FAH: variants seen among roughly 807,000 people sequenced by gnomAD.
The protein encoded by FAH is fumarylacetoacetase.
In FAH, 47 loss-of-function variants were observed where a neutral mutation model predicts 55.8. The ratio of observed to expected loss-of-function variants is 0.84; its 90% CI spans 0.67 to 1.07. FAH has a LOEUF of 1.07. Ranked by LOEUF, FAH falls within the 50% of genes least tolerant of loss-of-function variation. The pLI is 0.00. For synonymous variants in FAH, 199 were observed against 207.7 expected, an observed-to-expected ratio of 0.96 and a Z score of 0.36; for missense variants, 495 against 545.9, an observed-to-expected ratio of 0.91 and a Z score of 0.93.
intron 12 of FAH, among the ~76,000 whole-genome samples, chr15:80,180,612 A>C (rs1233489000): frequency 6.6e-6 from 1 of 152,162 alleles, no homozygotes; most frequent in Non-Finnish European, 1.5e-5. Context: ...GGAGTCACAG[A>C]ACCTTCAGAG....
chr15:80,176,972 G>A (rs1158391832), intron 10 of FAH, among the ~76,000 whole-genome samples: 3 of 152,230 alleles, frequency 2.0e-5, no homozygotes, highest in African/African-American at 7.2e-5. Flanking sequence ...GAGGAAGCCA[G>A]GTTTTGAGGG....
At chr15:80,172,004 G>A (rs1300031979) in intron 7 of FAH, 145 bp from the exon 8 acceptor site, 1 of 742,504 alleles carries the variant, frequency 1.3e-6, no homozygotes, top group Admixed American at 1.8e-5. Context: ...CTCTGACTTA[G>A]AAACACAGTG....
At chr15:80,158,238 G>T (rs1164205425) in intron 2 of FAH, 68 bp downstream of exon 2, 2 of 1,075,492 alleles carry the variant, frequency 1.9e-6, no homozygotes, top group Non-Finnish European at 1.5e-6. Flanking sequence ...ACAAGAGAAT[G>T]CTCCTTGCGT....
chr15:80,180,038 GAGCA>G, intron 11 of FAH, 82 bp from the exon 12 acceptor site: 3 of 1,013,858 alleles, frequency 3.0e-6, no homozygotes, highest in Non-Finnish European at 3.0e-6. Flanking sequence ...AGGCGGTCGT[GAGCA>G]GGGCAGGCTG....
chr15:80,159,910 G>C, intron 3 of FAH, 33 bp downstream of exon 3: 1 of 1,611,190 alleles, frequency 6.2e-7, no homozygotes, highest in Non-Finnish European at 8.5e-7. Flanking sequence ...GGGGATGAGG[G>C]GATGCAGCAG....
chr15:80,175,696 C>G (rs1345102936), intron 10 of FAH, among the ~76,000 whole-genome samples: 1 of 152,250 alleles, frequency 6.6e-6, no homozygotes, highest in Non-Finnish European at 1.5e-5. Flanking sequence ...AATAAAGAGA[C>G]TGGCTCTGCA....
At position 80,153,171 on chromosome 15, in the gene FAH, GGGAGTGGAGTGGAGTGGAGT is replaced by G. The variant is rs57837512; in HGVS notation, c.81+60_81+79del. 2.0e-5 allele frequency: 25 copies of G among 1,250,096 alleles called. No individual in the cohort carries two copies. In the East Asian group the frequency reaches 2.5e-4, roughly 12 times the overall value. The allele number at this position is 1,250,096 out of a possible 1,614,324, so 77.4% of individuals were successfully genotyped here. ...GGGCTTTGGCGTCCGGGCGCGGGGA[GGGAGTGGAGTGGAGTGGAGT>G]GGAGTGGAGTGGAGTGGAGTGGAAT... On this transcript the variant is annotated intron_variant, in intron 1 of 13. Transcript: ENST00000561421.
At chr15:80,172,873 C>A (rs2041252330) in intron 8 of FAH, 141 bp from the exon 9 acceptor site, 1 of 1,129,452 alleles carries the variant, frequency 8.9e-7, no homozygotes, top group African/African-American at 1.5e-5. Context: ...GCCCCTTTGT[C>A]CTGGGGCAGC....
At chr15:80,179,420 G>T (rs887467783) in intron 11 of FAH, among the ~76,000 whole-genome samples, 1 of 152,198 alleles carries the variant, frequency 6.6e-6, no homozygotes, top group Non-Finnish European at 1.5e-5. Flanking sequence ...CCTTGCAGGG[G>T]CTCGTGGGCA....
intron 11 of FAH, among the ~76,000 whole-genome samples, chr15:80,177,808 A>G (rs1304897284): frequency 1.3e-5 from 2 of 152,182 alleles, no homozygotes; most frequent in Admixed American, 6.6e-5. Flanking sequence ...TTGGGGGAAA[A>G]TAGGTGTTCC....
chr15:80,182,940 G>A (rs1206269302), intron 13 of FAH, among the ~76,000 whole-genome samples: 1 of 152,228 alleles, frequency 6.6e-6, no homozygotes, highest in African/African-American at 2.4e-5. Context: ...TCTGTTGTCA[G>A]TGTGATAAGG....
chr15:80,155,227 G>A (rs182330217), intron 1 of FAH, among the ~76,000 whole-genome samples: 1 of 152,308 alleles, frequency 6.6e-6, no homozygotes, highest in East Asian at 1.9e-4. Flanking sequence ...TGCTTCTGGA[G>A]AGAAGGAACC....
rs144902834 is a variant in FAH, at chr15:80,172,239, G to A, written c.697G>A (p.Asp233Asn). ...EHIFGMVLMN[D>N]WSARDIQKWE... ...CATTTTTGGAATGGTCCTTATGAAC[G>A]ACTGGAGTGGTAATTACTGGAGCTC... is the stretch of plus-strand genomic sequence containing the variant. The change falls in exon 8 of 14, where the codon GAC (aspartate) becomes AAC (asparagine). Residue 233 changes from aspartate to asparagine, a missense_variant. Physicochemically the swap from Asp to Asn is conservative, Grantham distance 23 (BLOSUM62 1). Transcript: ENST00000561421. The A allele has an allele frequency of 4.3e-6, 7 of 1,609,690 alleles. No individual in the cohort carries two copies. Among genetic ancestry groups the A allele is most frequent in the African/African-American group, 1.3e-5 (1 of 74,818 alleles).
chr15:80,171,333 T>C (rs1332094911), intron 7 of FAH, among the ~76,000 whole-genome samples: 2 of 108,204 alleles, frequency 1.8e-5, no homozygotes, highest in African/African-American at 2.8e-5. Context: ...GATGAGTTCA[T>C]GTCCTTTGTA....
chr15:80,183,880 A>T (rs186314171), intron 13 of FAH, among the ~76,000 whole-genome samples: 32 of 152,340 alleles, frequency 2.1e-4, no homozygotes, highest in Non-Finnish European at 1.5e-5. Context: ...GATAAAGGGT[A>T]GAGCCAGGGT....
At chr15:80,152,934 C>A, upstream of FAH, 1 of 823,568 alleles carries the variant, frequency 1.2e-6, no homozygotes, top group South Asian at 1.4e-5. Flanking sequence ...CCTGCTGTGT[C>A]ACCCGGACAG....
chr15:80,175,222 G>T, intron 10 of FAH, 131 bp downstream of exon 10: 1 of 833,288 alleles, frequency 1.2e-6, no homozygotes, highest in South Asian at 1.4e-5. Context: ...TGTGTGGCTC[G>T]TCTAAAGGAA....
At chr15:80,157,845 G>T in intron 1 of FAH, 3 of 600,342 alleles carry the variant, frequency 5.0e-6, no homozygotes, top group Non-Finnish European at 8.9e-6. Flanking sequence ...TTCCCATTCA[G>T]GGAACACAGA....
intron 7 of FAH, among the ~76,000 whole-genome samples, chr15:80,171,908 T>C (rs2142100744): frequency 6.6e-6 from 1 of 152,246 alleles, no homozygotes; most frequent in South Asian, 2.1e-4. Flanking sequence ...GGGAGGCTGC[T>C]TTGGAGCTCA....
Sources: gnomAD v4.1 joint callset for allele counts (sites outside exome capture counted in the v4.1 genomes callset) on GRCh38, gnomAD v4.1.1 for gene constraint, MANE v1.5 for transcripts, NCBI Gene and HGNC (gene_info 2026-07-23, HGNC 2026-07-21) for gene names.